The following NUBPL variants were observed in gnomAD, a reference collection of about 807,000 sequenced individuals.
NUBPL encodes the protein iron-sulfur cluster transfer protein NUBPL.
In NUBPL, 31 loss-of-function variants were observed where a neutral mutation model predicts 45.7. The ratio of observed to expected loss-of-function variants is 0.68; its 90% CI spans 0.51 to 0.92. The LOEUF (loss-of-function observed/expected upper bound fraction) is 0.92, where lower values mean the gene tolerates loss of function less well. Among genes scored for constraint, NUBPL ranks in the 40% least tolerant of loss-of-function variants. The pLI is 0.00. For missense variants in NUBPL, 401 were observed against 398.7 expected, an observed-to-expected ratio of 1.01 and a Z score of -0.05; for synonymous variants, 144 against 140.9, an observed-to-expected ratio of 1.02 and a Z score of -0.15.
At chr14:31,757,017 A>G (rs1474747174) in intron 6 of NUBPL, among the ~76,000 whole-genome samples, 6 of 151,986 alleles carry the variant, frequency 3.9e-5, no homozygotes, top group African/African-American at 4.8e-5. Flanking sequence ...TAATTTGCAT[A>G]TATTGAACCA....
At chr14:31,670,296 TTCATG>T (rs1465733821) in intron 4 of NUBPL, among the ~76,000 whole-genome samples, 53 of 152,340 alleles carry the variant, frequency 3.5e-4, no homozygotes, top group African/African-American at 1.2e-3. Context: ...GAAGTGTCTT[TTCATG>T]TCCTTTGCCC....
chr14:31,800,999 C>T (rs1188050911), intron 7 of NUBPL: 1 of 152,152 alleles, frequency 6.6e-6, no homozygotes, highest in Non-Finnish European at 1.5e-5. Context: ...GAGATGGTGA[C>T]ATACCTAGGG....
chr14:31,682,422 C>T (rs2036855813), intron 6 of NUBPL, among the ~76,000 whole-genome samples: 1 of 152,080 alleles, frequency 6.6e-6, no homozygotes, highest in Non-Finnish European at 1.5e-5. Context: ...TAAAGTGAGT[C>T]TCTTGATTTC....
intron 7 of NUBPL, among the ~76,000 whole-genome samples, chr14:31,789,531 A>G (rs1811071891): frequency 6.6e-6 from 1 of 152,100 alleles, no homozygotes; most frequent in Non-Finnish European, 1.5e-5. Context: ...TACAGTAGTT[A>G]CCCTTTATTT....
In NUBPL at chr14:31,859,304, A is replaced by C; in HGVS notation, c.*124A>C. ...TAACTGTTTTATTTCTAAGGAAAGA[A>C]TGTCTTCATATTTGACTTGCTAAGC... On this transcript the variant is annotated 3_prime_UTR_variant, in exon 11 of 11. Coordinates refer to ENST00000281081, the MANE Select transcript of NUBPL (RefSeq NM_025152.3). 1.2e-6 allele frequency: 1 copy of C among 814,184 alleles called. No homozygotes were observed. Among genetic ancestry groups the C allele is most frequent in the Non-Finnish European group, 2.1e-6 (1 of 476,648 alleles). 50.4% of individuals were successfully genotyped at this position (814,184 alleles called of 1,614,324 possible).
chr14:31,655,795 G>A (rs1229187181), intron 4 of NUBPL, among the ~76,000 whole-genome samples: 8 of 152,186 alleles, frequency 5.3e-5, no homozygotes, highest in Admixed American at 5.2e-4. Flanking sequence ...AGTAGATTTA[G>A]CATAATTTTT....
At chr14:31,696,411 C>G (rs2037215754) in intron 6 of NUBPL, among the ~76,000 whole-genome samples, 1 of 152,194 alleles carries the variant, frequency 6.6e-6, no homozygotes, top group South Asian at 2.1e-4. Context: ...ATATCACTAG[C>G]TATTTCCTCA....
At chr14:31,762,607 G>A (rs897585376) in intron 6 of NUBPL, among the ~76,000 whole-genome samples, 3 of 152,036 alleles carry the variant, frequency 2.0e-5, no homozygotes, top group African/African-American at 7.2e-5. Context: ...TACAAATTTA[G>A]GAGTATTCAT....
chr14:31,826,564 A>G (rs2040107184), intron 7 of NUBPL, 65 bp from the exon 8 acceptor site: 17 of 1,413,610 alleles, frequency 1.2e-5, no homozygotes, highest in Admixed American at 5.1e-5. Context: ...TAAGCAACAT[A>G]ATGCTGGAAG....
chr14:31,760,268 C>T (rs2038777568), intron 6 of NUBPL, among the ~76,000 whole-genome samples: 1 of 151,692 alleles, frequency 6.6e-6, no homozygotes, highest in South Asian at 2.1e-4. Context: ...TTCCTCCCAC[C>T]TTAGCCTCCT....
intron 3 of NUBPL, 98 bp downstream of exon 3, chr14:31,565,146 T>C: frequency 1.4e-6 from 1 of 722,578 alleles, no homozygotes; most frequent in South Asian, 1.8e-5. Context: ...TCAGAAGCTA[T>C]AGTGTAGTTG....
chr14:31,793,843 T>A (rs868342988), intron 7 of NUBPL, among the ~76,000 whole-genome samples: 6 of 87,992 alleles, frequency 6.8e-5, no homozygotes, highest in African/African-American at 3.8e-4. Flanking sequence ...TTTTTTTTAT[T>A]TTTTTTTTTA....
rs2040681116 is a variant in NUBPL at position 31,859,640 on chromosome 14, A to G, written c.*460A>G. On this transcript the variant is annotated 3_prime_UTR_variant, in exon 11 of 11. Coordinates refer to ENST00000281081, the MANE Select transcript of NUBPL (RefSeq NM_025152.3). The stretch of plus-strand genomic sequence containing the variant: ...TGTCTTGGACATGTTCTTAATATGA[A>G]CCTCTGCTTCTTCATCTGGATCACA... 4.6e-6 allele frequency: 1 copy of G among 216,276 alleles called. No homozygotes were observed. Among genetic ancestry groups the G allele is most frequent in the Non-Finnish European group, 9.3e-6 (1 of 107,252 alleles). 13.4% of individuals were successfully genotyped at this position (216,276 alleles called of 1,614,324 possible). A position where few individuals can be genotyped will look rare whatever the true frequency, so the allele number is the denominator to read the frequency against.
intron 6 of NUBPL, among the ~76,000 whole-genome samples, chr14:31,709,879 G>A (rs2037532661): frequency 1.3e-5 from 2 of 152,158 alleles, no homozygotes; most frequent in Admixed American, 1.3e-4. Context: ...TAATAGGACG[G>A]GGAGCTATAG....
rs8009753 is a variant in NUBPL, at chr14:31,850,035, T to G, written c.815-84T>G. ...TGAATCAATTTAGTTCCGATTTTGT[T>G]TCTTTCCATAGTTCAAATAGTGAGA... On this transcript the variant is annotated intron_variant, in intron 9 of 10. Transcript: ENST00000281081. 170,928 of 1,001,254 alleles carry G rather than the reference T, an allele frequency of 0.17. 20,768 individuals carry two copies. Among genetic ancestry groups the G allele is most frequent in the African/African-American group, 0.56 (35,352 of 62,728 alleles). 62.0% of individuals were successfully genotyped at this position (1,001,254 alleles called of 1,614,324 possible).
intron 7 of NUBPL, among the ~76,000 whole-genome samples, chr14:31,798,057 T>C (rs1250399555): frequency 1.3e-5 from 2 of 148,894 alleles, no homozygotes; most frequent in Admixed American, 6.6e-5. Context: ...ATGTTGAATA[T>C]TGGCCCCCAC....
intron 8 of NUBPL, among the ~76,000 whole-genome samples, chr14:31,839,087 A>G (rs1006786903): frequency 6.6e-6 from 1 of 152,210 alleles, no homozygotes; most frequent in Non-Finnish European, 1.5e-5. Flanking sequence ...TTGTTTTTAT[A>G]TACAAGTTCA....
chr14:31,735,846 T>C (rs1463998018), intron 6 of NUBPL, among the ~76,000 whole-genome samples: 13 of 152,256 alleles, frequency 8.5e-5, no homozygotes, highest in African/African-American at 2.9e-4. Context: ...AGCGAGACTC[T>C]GTCTTAAAAA....
intron 6 of NUBPL, among the ~76,000 whole-genome samples, chr14:31,695,345 CTTT>C (rs34395195): frequency 7.1e-6 from 1 of 140,210 alleles, no homozygotes; most frequent in South Asian, 2.3e-4. Flanking sequence ...TGTAGTGTTC[CTTT>C]TTTTTTTTTT....
Sources: allele counts gnomAD v4.1 joint callset (sites outside exome capture counted in the v4.1 genomes callset), GRCh38; gene constraint gnomAD v4.1.1; transcripts MANE v1.5; gene names NCBI Gene and HGNC (gene_info 2026-07-23, HGNC 2026-07-21).